PITPNM2: variants seen among roughly 807,000 people sequenced by gnomAD.
The protein encoded by PITPNM2 is membrane-associated phosphatidylinositol transfer protein 2.
A neutral mutation model predicts 132.2 loss-of-function variants in PITPNM2; 35 were observed. The ratio of observed to expected loss-of-function variants is 0.26; its 90% CI spans 0.20 to 0.35. The LOEUF (loss-of-function observed/expected upper bound fraction) is 0.35. Among genes scored for constraint, PITPNM2 ranks in the 10% least tolerant of loss-of-function variants. The probability of loss-of-function intolerance (pLI) is 1.00; values close to 1 mark genes in which losing one functional copy is unlikely to be tolerated. For synonymous variants in PITPNM2, 738 were observed against 799.2 expected (o/e 0.92, Z 1.29); for missense variants, 1,332 against 1,912.0 (o/e 0.70, Z 5.66).
At chr12:123,098,015 C>T (rs964741145) in intron 2 of PITPNM2, among the ~76,000 whole-genome samples, 2 of 152,210 alleles carry the variant, frequency 1.3e-5, no homozygotes, top group African/African-American at 2.4e-5. Context: ...AGATTCCTGA[C>T]GTCAGTGTGC....
Position 123,000,322 on chromosome 12 carries a change from T to C in PITPNM2, c.1224+456A>G. 1 of 684,324 alleles carries C rather than the reference T, an allele frequency of 1.5e-6. No homozygotes were observed. Among genetic ancestry groups the C allele is most frequent in the Admixed American group, 2.1e-5 (1 of 46,572 alleles). The allele number at this position is 684,324 out of a possible 1,614,324, so 42.4% of individuals were successfully genotyped here. Reference sequence around the variant, plus strand: ...CAGGCGCTCTACCAAGACAGTTTTATTGGACACACTGAGCTCCGCCTGCCT... The same window carrying C: ...CAGGCGCTCTACCAAGACAGTTTTACTGGACACACTGAGCTCCGCCTGCCT... On this transcript the variant is annotated intron_variant, in intron 10 of 25. Transcript: ENST00000320201. The surrounding 1 kb of genome is among the most constrained non-coding windows in gnomAD (Gnocchi z 5.4).
chr12:123,119,541 G>C (rs1435767923), intron 1 of PITPNM2, among the ~76,000 whole-genome samples: 1 of 151,736 alleles, frequency 6.6e-6, no homozygotes, highest in Non-Finnish European at 1.5e-5. Flanking sequence ...GTATTTTTTA[G>C]TAGAGACAGG....
At chr12:122,987,194 T>C in intron 23 of PITPNM2, 87 bp downstream of exon 23, 1 of 1,565,884 alleles carries the variant, frequency 6.4e-7, no homozygotes, top group Non-Finnish European at 8.7e-7. Flanking sequence ...CCACAGAGGC[T>C]CCGCTGTCCT....
At chr12:123,134,825 A>G (rs1366996492) in intron 1 of PITPNM2, among the ~76,000 whole-genome samples, 2 of 152,096 alleles carry the variant, frequency 1.3e-5, no homozygotes, top group African/African-American at 4.8e-5. Context: ...TGGGACCTTG[A>G]GGAAATAAGG....
At chr12:123,127,893 G>A (rs1466049524) in intron 1 of PITPNM2, among the ~76,000 whole-genome samples, 2 of 152,040 alleles carry the variant, frequency 1.3e-5, no homozygotes, top group Admixed American at 1.3e-4. Context: ...ACAGGCATGA[G>A]CCACCGCGCC....
intron 1 of PITPNM2, among the ~76,000 whole-genome samples, chr12:123,125,802 A>T (rs1335002963): frequency 8.2e-6 from 1 of 122,390 alleles, no homozygotes; most frequent in Non-Finnish European, 1.6e-5. Context: ...AGATTACTCC[A>T]CTGTACTCCA....
intron 1 of PITPNM2, among the ~76,000 whole-genome samples, chr12:123,112,219 A>G (rs573018917): frequency 1.3e-5 from 2 of 152,272 alleles, no homozygotes; most frequent in East Asian, 3.9e-4. Flanking sequence ...TGGGGAACAG[A>G]CCTCTAGGGG....
intron 13 of PITPNM2, 101 bp from the exon 14 acceptor site, chr12:122,995,761 C>T (rs756099776): frequency 4.2e-5 from 60 of 1,417,996 alleles, no homozygotes; most frequent in Admixed American, 1.3e-4. Flanking sequence ...CCAGGCCAAG[C>T]GGCCACTGTC....
At chr12:123,002,854 A>C (rs938057386) in intron 8 of PITPNM2, among the ~76,000 whole-genome samples, 25 of 152,314 alleles carry the variant, frequency 1.6e-4, no homozygotes, top group African/African-American at 5.1e-4. Context: ...GGGAATGTTC[A>C]ATTTCCACCT....
chr12:123,136,938 G>C (rs552314928), intron 1 of PITPNM2, among the ~76,000 whole-genome samples: 1 of 152,312 alleles, frequency 6.6e-6, no homozygotes, highest in East Asian at 1.9e-4. Context: ...TGGTGAATAT[G>C]GAAATGTACA....
rs532355945 is a variant in PITPNM2, at chr12:123,064,310, T to C, written c.-95-29625A>G. ...GGGCAAGTCAGTAGCAGGGAAGGGA[T>C]GAGAACTCCTCATTCTGGGCCCAGG... On this transcript the variant is annotated intron_variant, in intron 2 of 25. Transcript: ENST00000320201. This position sits in a 1 kb window ranked among gnomAD's most constrained non-coding sequence, Gnocchi z 4.0. 6.6e-6 allele frequency among the ~76,000 whole-genome samples: 1 copy of C among 152,226 alleles called. No homozygotes were observed. The highest frequency in any genetic ancestry group is 2.4e-5 in the African/African-American group (1 of 41,506).
chr12:122,987,603 C>G lies in PITPNM2; in HGVS notation c.3171G>C (p.Thr1057=). The change falls in exon 22 of 26, where the codon ACG becomes ACC. Residue 1057 remains threonine, a synonymous_variant. Transcript: ENST00000320201. ...PPSGEWLYLD[T]LVTNNSGRVS... ...CACGCCCACTGTTGTTGGTCACCAG[C>G]GTATCCAGGTAGAGCCACTCGCCTG... 1 of 1,613,940 alleles carries G rather than the reference C, an allele frequency of 6.2e-7. No homozygotes were observed. The highest frequency in any genetic ancestry group is 8.5e-7 in the Non-Finnish European group (1 of 1,180,016).
chr12:122,987,767 T>C lies in PITPNM2; in HGVS notation c.3114+18A>G. On this transcript the variant is annotated intron_variant, in intron 21 of 25. Coordinates refer to ENST00000320201, the MANE Select transcript of PITPNM2 (RefSeq NM_020845.3). ...CCCCAAAGTCCCTCCATGTTACCCC[T>C]ACCCGCCGTGTCCTTACCTTCTCCC... is the stretch of plus-strand genomic sequence containing the variant. 2 of 1,613,580 alleles carry C rather than the reference T, an allele frequency of 1.2e-6. No homozygotes were observed. The highest frequency in any genetic ancestry group is 1.7e-6 in the Non-Finnish European group (2 of 1,179,862).
chr12:123,118,550 A>G (rs1360045653), intron 1 of PITPNM2, among the ~76,000 whole-genome samples: 1 of 152,230 alleles, frequency 6.6e-6, no homozygotes, highest in African/African-American at 2.4e-5. Flanking sequence ...GCTCTTCCCA[A>G]TAGTGGAAAA....
At chr12:123,123,110 T>A (rs1288378312) in intron 1 of PITPNM2, among the ~76,000 whole-genome samples, 2 of 152,236 alleles carry the variant, frequency 1.3e-5, no homozygotes, top group Non-Finnish European at 2.9e-5. Flanking sequence ...TTGCTTCCCA[T>A]CTTCTGCTCT....
chr12:122,986,580 C>T lies in PITPNM2; in HGVS notation c.3598-16G>A. ...GCAGGTGCAGCTGTGGGGAGACTGG[C>T]ATGGGCACAGGCACCATGGTCCCTC... On this transcript the variant is annotated splice_polypyrimidine_tract_variant and intron_variant, in intron 24 of 25. Coordinates refer to ENST00000320201, the MANE Select transcript of PITPNM2 (RefSeq NM_020845.3). 2.5e-6 allele frequency: 4 copies of T among 1,597,680 alleles called. No homozygotes were observed. Among genetic ancestry groups the T allele is most frequent in the Non-Finnish European group, 3.4e-6 (4 of 1,169,350 alleles).
At chr12:123,122,184 C>T (rs2043045772) in intron 1 of PITPNM2, among the ~76,000 whole-genome samples, 1 of 152,144 alleles carries the variant, frequency 6.6e-6, no homozygotes, top group Non-Finnish European at 1.5e-5. Context: ...GTCAATTGGC[C>T]TGGTGCGGTG....
intron 2 of PITPNM2, among the ~76,000 whole-genome samples, chr12:123,098,647 G>A (rs768574607): frequency 6.6e-6 from 1 of 152,106 alleles, no homozygotes; most frequent in Non-Finnish European, 1.5e-5. Context: ...GGAGTTCAAG[G>A]CTGCAGTCAG....
chr12:123,148,723 C>A (rs1270650906), intron 1 of PITPNM2, among the ~76,000 whole-genome samples: 2 of 152,144 alleles, frequency 1.3e-5, no homozygotes, highest in Non-Finnish European at 2.9e-5. Context: ...TGCAGCAAAG[C>A]ATTGGGGATG....
Sources: gnomAD v4.1 joint callset for allele counts (sites outside exome capture counted in the v4.1 genomes callset) on GRCh38, gnomAD v4.1.1 for gene constraint, Gnocchi (gnomAD v3.1) non-coding constraint, MANE v1.5 for transcripts, NCBI Gene and HGNC (gene_info 2026-07-23, HGNC 2026-07-21) for gene names.